The following RAPGEF5 variants were observed in gnomAD, a reference collection of about 807,000 sequenced individuals.
RAPGEF5 encodes Rap guanine nucleotide exchange factor 5.
RAPGEF5 carries 65 observed loss-of-function variants against 125.2 expected under a neutral mutation model. That is an observed-to-expected ratio of 0.52 (90% CI 0.43 to 0.64). The LOEUF is 0.64. RAPGEF5 is among the 30% of genes least tolerant of loss of function. The pLI is 0.00. For synonymous variants in RAPGEF5, 391 were observed against 385.9 expected (o/e 1.01, Z -0.16); for missense variants, 958 against 1,048.1 (o/e 0.91, Z 1.19).
intron 22 of RAPGEF5, among the ~76,000 whole-genome samples, chr7:22,136,632 C>T (rs2128101891): frequency 6.6e-6 from 1 of 152,286 alleles, no homozygotes; most frequent in African/African-American, 2.4e-5. Context: ...ACACTAATTG[C>T]ATGCTAAATT....
chr7:22,226,605 AT>A (rs1785924741), intron 8 of RAPGEF5, among the ~76,000 whole-genome samples: 1 of 152,214 alleles, frequency 6.6e-6, no homozygotes, highest in Non-Finnish European at 1.5e-5. Context: ...ACCACGAAGC[AT>A]CCACAGTGAG....
chr7:22,166,772 C>T (rs896804090), intron 12 of RAPGEF5, among the ~76,000 whole-genome samples: 3 of 152,198 alleles, frequency 2.0e-5, no homozygotes, highest in African/African-American at 2.4e-5. Context: ...CTGGGGTTTA[C>T]CCAGCAGGCC....
chr7:22,215,145 G>T (rs372541489), intron 9 of RAPGEF5, among the ~76,000 whole-genome samples: 1 of 151,984 alleles, frequency 6.6e-6, no homozygotes, highest in African/African-American at 2.4e-5. Context: ...ATCCTCCACA[G>T]TCTGGTCCCA....
Position 22,284,938 on chromosome 7 carries a change from C to T in RAPGEF5, c.747+6237G>A, listed in dbSNP as rs941614534. Among the ~76,000 whole-genome samples, 6 of 152,038 alleles carry T rather than the reference C, an allele frequency of 3.9e-5. No homozygotes were observed. The South Asian group carries it at 6.2e-4, about 16-fold the overall frequency. On this transcript the variant is annotated intron_variant, in intron 6 of 25. Transcript: ENST00000665637. ...CCTTGACTTATGATGGGGTTACATC[C>T]CAATAAACCCATCATAAATTAAAAT...
intron 24 of RAPGEF5, among the ~76,000 whole-genome samples, chr7:22,126,843 G>C (rs1782761061): frequency 1.3e-5 from 2 of 151,932 alleles, no homozygotes; most frequent in African/African-American, 2.4e-5. Context: ...GGCTGGTCTC[G>C]AACTCCTGAC....
At chr7:22,297,567 T>C (rs1013440096) in intron 5 of RAPGEF5, among the ~76,000 whole-genome samples, 17 of 152,172 alleles carry the variant, frequency 1.1e-4, no homozygotes, top group Non-Finnish European at 2.9e-5. Flanking sequence ...AGACTGATCA[T>C]CCTTAGACTC....
At chr7:22,316,044 C>A (rs186227598) in intron 2 of RAPGEF5, among the ~76,000 whole-genome samples, 1 of 152,214 alleles carries the variant, frequency 6.6e-6, no homozygotes, top group East Asian at 1.9e-4. Flanking sequence ...ATAATTCCAA[C>A]TATCAGATAA....
chr7:22,204,932 G>A (rs1262948478), intron 9 of RAPGEF5, among the ~76,000 whole-genome samples: 1 of 152,188 alleles, frequency 6.6e-6, no homozygotes, highest in Non-Finnish European at 1.5e-5. Flanking sequence ...GAATTTGCTT[G>A]CATAGGGGTA....
chr7:22,322,053 T>C (rs1354488066), intron 1 of RAPGEF5, among the ~76,000 whole-genome samples: 1 of 152,168 alleles, frequency 6.6e-6, no homozygotes, highest in Non-Finnish European at 1.5e-5. Context: ...TATGATAACA[T>C]GCTGCACATT....
intron 20 of RAPGEF5, 59 bp from the exon 21 acceptor site, chr7:22,140,174 A>C (rs1186512926): frequency 1.4e-6 from 2 of 1,461,022 alleles, no homozygotes; most frequent in African/African-American, 2.8e-5. Flanking sequence ...CCAGATAATC[A>C]CAAAAGATAA....
intron 19 of RAPGEF5, among the ~76,000 whole-genome samples, chr7:22,145,967 CGTGTGTGTGT>C (rs71864981): frequency 1.7e-4 from 24 of 143,972 alleles, no homozygotes; most frequent in African/African-American, 3.8e-4. Flanking sequence ...TGTTTGTGTG[CGTGTGTGTGT>C]GTGTGTGTGT....
chr7:22,129,620 C>CA (rs1211338686), intron 24 of RAPGEF5, among the ~76,000 whole-genome samples: 7 of 152,092 alleles, frequency 4.6e-5, no homozygotes, highest in African/African-American at 1.7e-4. Context: ...AAAACACGTA[C>CA]AAAAAAATAA....
intron 7 of RAPGEF5, among the ~76,000 whole-genome samples, chr7:22,236,627 T>C (rs1394923987): frequency 2.6e-5 from 4 of 152,192 alleles, no homozygotes; most frequent in Admixed American, 2.6e-4. Flanking sequence ...ACCTCTGGAA[T>C]GATTCCACCT....
At chr7:22,322,565 G>T (rs778837310) in intron 1 of RAPGEF5, among the ~76,000 whole-genome samples, 1 of 152,098 alleles carries the variant, frequency 6.6e-6, no homozygotes, top group African/African-American at 2.4e-5. Flanking sequence ...TAAGAAATCT[G>T]CCCGTTTGCA....
chr7:22,334,852 C>T (rs901724888), intron 1 of RAPGEF5, among the ~76,000 whole-genome samples: 1 of 152,188 alleles, frequency 6.6e-6, no homozygotes, highest in Non-Finnish European at 1.5e-5. Context: ...TACATTCTTC[C>T]TATCCTTCTC....
At chr7:22,234,307 T>C (rs1026730697) in intron 7 of RAPGEF5, among the ~76,000 whole-genome samples, 14 of 152,198 alleles carry the variant, frequency 9.2e-5, no homozygotes, top group Non-Finnish European at 2.9e-5. Flanking sequence ...GTTATTTAGA[T>C]TTTTGAGTTC....
intron 1 of RAPGEF5, among the ~76,000 whole-genome samples, chr7:22,339,122 A>C (rs1393776689): frequency 1.3e-5 from 2 of 152,200 alleles, no homozygotes; most frequent in East Asian, 3.8e-4. Context: ...AGAACGCCTC[A>C]AGTGAGCATG....
chr7:22,302,230 C>T (rs1783224381), intron 5 of RAPGEF5, among the ~76,000 whole-genome samples: 1 of 152,102 alleles, frequency 6.6e-6, no homozygotes, highest in Non-Finnish European at 1.5e-5. Flanking sequence ...AGCCAAGTGG[C>T]GACAGGCAGC....
At chr7:22,299,884 G>T (rs1333117524) in intron 5 of RAPGEF5, among the ~76,000 whole-genome samples, 1 of 150,632 alleles carries the variant, frequency 6.6e-6, no homozygotes, top group African/African-American at 2.5e-5. Context: ...TGTAGGTAAT[G>T]TGTCATTTTA....
Sources: gnomAD v4.1 joint callset for allele counts (sites outside exome capture counted in the v4.1 genomes callset) on GRCh38, gnomAD v4.1.1 for gene constraint, MANE v1.5 for transcripts, NCBI Gene and HGNC (gene_info 2026-07-23, HGNC 2026-07-21) for gene names.